GANC: variants seen among roughly 807,000 people sequenced by gnomAD.
GANC encodes neutral alpha-glucosidase C.
A neutral mutation model predicts 124.2 loss-of-function variants in GANC; 117 were observed. The ratio of observed to expected loss-of-function variants is 0.94; its 90% CI spans 0.81 to 1.10. The LOEUF is 1.10. GANC is among the 50% of genes least tolerant of loss of function. The pLI is 0.00. For synonymous variants in GANC, 377 were observed against 376.8 expected (o/e 1.00, Z -0.01); for missense variants, 1,140 against 1,095.0 (o/e 1.04, Z -0.58).
intron 3 of GANC, among the ~76,000 whole-genome samples, chr15:42,281,409 C>T (rs1164407108): frequency 4.9e-5 from 7 of 141,592 alleles, no homozygotes; most frequent in African/African-American, 1.3e-4. Context: ...TTAGGCCAGG[C>T]GTGGTGGCTC....
chr15:42,303,731 A>AT (rs1225547442), intron 6 of GANC, among the ~76,000 whole-genome samples: 1 of 151,658 alleles, frequency 6.6e-6, no homozygotes, highest in Non-Finnish European at 1.5e-5. Flanking sequence ...CAGACTTTAA[A>AT]TCAACAAAGA....
intron 18 of GANC, among the ~76,000 whole-genome samples, chr15:42,342,232 A>T (rs2052333406): frequency 6.6e-6 from 1 of 152,196 alleles, no homozygotes; most frequent in Admixed American, 6.5e-5. Flanking sequence ...TAAGTGGGTG[A>T]ATTTTACATA....
chr15:42,333,023 A>AATATAT (rs3035933), intron 15 of GANC, among the ~76,000 whole-genome samples: 2,516 of 140,342 alleles, frequency 0.018, 32 homozygotes, highest in Non-Finnish European at 0.025. Context: ...TGTCTCAAAA[A>AATATAT]ATATATATAT....
chr15:42,296,698 G>T (rs1371435586), intron 5 of GANC, among the ~76,000 whole-genome samples: 1 of 151,876 alleles, frequency 6.6e-6, no homozygotes, highest in Non-Finnish European at 1.5e-5. Flanking sequence ...CAGACTCCTT[G>T]GGGTTTTTAA....
chr15:42,318,054 T>G (rs4924669), intron 10 of GANC, among the ~76,000 whole-genome samples: 1 of 152,188 alleles, frequency 6.6e-6, no homozygotes, highest in East Asian at 1.9e-4. Context: ...AGGGTGTCTG[T>G]TACTTTATCC....
At chr15:42,348,062 T>C (rs372288783) in intron 20 of GANC, 41 bp from the exon 21 acceptor site, 9 of 1,094,704 alleles carry the variant, frequency 8.2e-6, no homozygotes, top group Non-Finnish European at 1.2e-5. Flanking sequence ...GAAATTTTCT[T>C]ATATGAATAC....
intron 5 of GANC, among the ~76,000 whole-genome samples, chr15:42,293,837 C>T (rs540864231): frequency 6.6e-6 from 1 of 151,574 alleles, no homozygotes; most frequent in South Asian, 2.1e-4. Flanking sequence ...TCAGTTGAGC[C>T]CAGGAATTTG....
chr15:42,291,464 A>C (rs1319435169), intron 4 of GANC, among the ~76,000 whole-genome samples: 1 of 152,196 alleles, frequency 6.6e-6, no homozygotes, highest in African/African-American at 2.4e-5. Context: ...GATTTGTTTC[A>C]TGCAACCAGC....
rs568200203 is a variant in GANC at position 42,273,473 on chromosome 15, C to G, written c.-1009C>G. ...CGTCCCGCCTTCTTCCGGCTCTGCT[C>G]TAAGGGCGGGATTATCCGGGTCCTG... On this transcript the variant is annotated 5_prime_UTR_variant, in exon 1 of 24. Coordinates refer to ENST00000318010, the MANE Select transcript of GANC (RefSeq NM_198141.3). The G allele has an allele frequency of 3.1e-6, 5 of 1,591,458 alleles. No individual in the cohort carries two copies. The highest frequency in any genetic ancestry group is 4.3e-6 in the Non-Finnish European group (5 of 1,170,292).
chr15:42,321,202 G>C (rs1311260989), intron 10 of GANC, among the ~76,000 whole-genome samples: 2 of 152,152 alleles, frequency 1.3e-5, no homozygotes, highest in East Asian at 3.9e-4. Context: ...GGTCTGCTAA[G>C]ATTACATCTT....
chr15:42,351,530 C>A, intron 23 of GANC, 98 bp downstream of exon 23: 1 of 833,770 alleles, frequency 1.2e-6, no homozygotes, highest in Non-Finnish European at 2.0e-6. Context: ...ATATGCTGAG[C>A]CTGAGTGTGT....
Position 42,278,589 on chromosome 15 carries a change from A to G in GANC, c.200A>G (p.Lys67Arg). The change falls in exon 3 of 24, where the codon AAG (lysine) becomes AGG (arginine). Residue 67 changes from lysine (K) to arginine (R), a missense_variant and splice_region_variant. Transcript: ENST00000318010. ...TRFQIINEAS[K>R]VPLLAEIYGI... is the part of the protein sequence containing the mutation. ...TTCCAAATCATCAATGAAGCAAGTA[A>G]GGTGAGATGGAAGTATTTTCTACAG... is the stretch of plus-strand genomic sequence containing the variant. The G allele has an allele frequency of 1.3e-6, 2 of 1,597,652 alleles. No homozygotes were observed. Among genetic ancestry groups the G allele is most frequent in the Non-Finnish European group, 1.7e-6 (2 of 1,166,798 alleles).
intron 21 of GANC, among the ~76,000 whole-genome samples, chr15:42,348,902 G>T (rs1043021077): frequency 1.3e-5 from 2 of 152,040 alleles, no homozygotes; most frequent in Non-Finnish European, 2.9e-5. Context: ...CCCATGTGAG[G>T]CCCCAGAATA....
chr15:42,308,128 TTAGTC>T (rs1168046530), intron 7 of GANC, 89 bp from the exon 8 acceptor site: 21 of 706,816 alleles, frequency 3.0e-5, no homozygotes, highest in Middle Eastern at 2.6e-4. Flanking sequence ...CTCTCAGCCT[TTAGTC>T]TAGTCATCTC....
chr15:42,313,401 A>T (rs2052072460), intron 10 of GANC, among the ~76,000 whole-genome samples: 1 of 152,258 alleles, frequency 6.6e-6, no homozygotes, highest in African/African-American at 2.4e-5. Flanking sequence ...ATTCACTAAC[A>T]TTAAAAACTT....
chr15:42,315,978 C>T (rs930194951), intron 10 of GANC, among the ~76,000 whole-genome samples: 4 of 152,038 alleles, frequency 2.6e-5, no homozygotes, highest in Non-Finnish European at 5.9e-5. Context: ...ATTTGTATCT[C>T]TCTCTGTGTA....
intron 11 of GANC, among the ~76,000 whole-genome samples, chr15:42,324,872 C>T (rs541227710): frequency 6.6e-6 from 1 of 152,204 alleles, no homozygotes; most frequent in South Asian, 2.1e-4. Flanking sequence ...TGGAGATTGA[C>T]TACACAACAT....
In GANC at chr15:42,329,174, TATACTC is replaced by T. The variant is rs1258339499; in HGVS notation, c.1501-131_1501-126del. On this transcript the variant is annotated intron_variant, in intron 13 of 23. Transcript: ENST00000318010. ...ACAAAATGTTGTTCCCTGTGGAACTTATACTCTAGCAGTGGAGCAGAGGACAGAGCA... is the reference window on the plus strand; with the variant it reads ...ACAAAATGTTGTTCCCTGTGGAACTTTAGCAGTGGAGCAGAGGACAGAGCA... The T allele has an allele frequency of 5.7e-6, 5 of 884,746 alleles. No homozygotes were observed. The African/African-American group carries it at 6.7e-5, about 12-fold the overall frequency. The allele number at this position is 884,746 out of a possible 1,614,324, so 54.8% of individuals were successfully genotyped here. A position where few individuals can be genotyped will look rare whatever the true frequency, so the allele number is the denominator to read the frequency against.
At position 42,312,678 on chromosome 15, in the gene GANC, G is replaced by A. The variant is rs543627758; in HGVS notation, c.1057+1832G>A. Among the ~76,000 whole-genome samples, 121 of 152,258 alleles carry A rather than the reference G, an allele frequency of 7.9e-4. No individual in the cohort carries two copies. In the Middle Eastern group the frequency reaches 0.01, roughly 13 times the overall value. ...CCACTGCCCAGGCACGGTGGCCCAT[G>A]CCTGTAATCCTGCACTTTGGGAGGC... is the stretch of plus-strand genomic sequence containing the variant. On this transcript the variant is annotated intron_variant, in intron 10 of 23. Coordinates refer to ENST00000318010, the MANE Select transcript of GANC (RefSeq NM_198141.3).
Sources: allele counts gnomAD v4.1 joint callset (sites outside exome capture counted in the v4.1 genomes callset), GRCh38; gene constraint gnomAD v4.1.1; transcripts MANE v1.5; gene names NCBI Gene and HGNC (gene_info 2026-07-23, HGNC 2026-07-21).